The following CCDC192 variants were observed in gnomAD, a reference collection of about 807,000 sequenced individuals.
CCDC192 encodes the protein coiled-coil domain containing 192, also known as coiled-coil domain-containing protein 192.
chr5:127,723,073 C>G (rs762726598), intron 2 of CCDC192, among the ~76,000 whole-genome samples: 1 of 152,102 alleles, frequency 6.6e-6, no homozygotes, highest in Admixed American at 6.6e-5. Flanking sequence ...AATATTTATT[C>G]TTCCAGACCA....
At chr5:127,883,897 T>C (rs1212171100) in intron 6 of CCDC192, among the ~76,000 whole-genome samples, 1 of 152,138 alleles carries the variant, frequency 6.6e-6, no homozygotes, top group East Asian at 1.9e-4. Flanking sequence ...CTCAGGCTGG[T>C]AAGGAGGCTG....
chr5:127,918,765 T>G (rs896825487), intron 6 of CCDC192, among the ~76,000 whole-genome samples: 8 of 152,274 alleles, frequency 5.3e-5, no homozygotes, highest in African/African-American at 1.9e-4. Flanking sequence ...CCCTCCTGAC[T>G]CCTACTCATG....
At chr5:127,757,341 T>G in intron 3 of CCDC192, among the ~76,000 whole-genome samples, 1 of 152,222 alleles carries the variant, frequency 6.6e-6, no homozygotes, top group East Asian at 1.9e-4. Flanking sequence ...AGGGAGAGTA[T>G]GATGTGTAAA....
chr5:127,888,816 T>C (rs998761956), intron 6 of CCDC192, among the ~76,000 whole-genome samples: 1 of 152,212 alleles, frequency 6.6e-6, no homozygotes, highest in Non-Finnish European at 1.5e-5. Context: ...CCAGACCTTA[T>C]ATAATCCATC....
chr5:127,812,713 G>T (rs916651540), intron 5 of CCDC192, among the ~76,000 whole-genome samples: 9 of 152,202 alleles, frequency 5.9e-5, no homozygotes, highest in Non-Finnish European at 1.3e-4. Flanking sequence ...GGAGGAATTA[G>T]TACGGGGCGT....
chr5:127,839,164 A>G (rs1750164509), intron 5 of CCDC192, among the ~76,000 whole-genome samples: 1 of 152,236 alleles, frequency 6.6e-6, no homozygotes, highest in African/African-American at 2.4e-5. Context: ...TGCTAAGGCA[A>G]TAATAAGGCT....
At chr5:127,756,045 ATG>A (rs199740630) in intron 3 of CCDC192, among the ~76,000 whole-genome samples, 2,011 of 152,122 alleles carry the variant, frequency 0.013, 19 homozygotes, top group Non-Finnish European at 0.022. Flanking sequence ...AGGCAGGAGA[ATG>A]GCGTGAACCC....
chr5:127,744,694 G>A (rs1240689081), intron 2 of CCDC192, among the ~76,000 whole-genome samples: 1 of 152,292 alleles, frequency 6.6e-6, no homozygotes, highest in African/African-American at 2.4e-5. Context: ...GTCACTTGCT[G>A]TTACAAAAGT....
chr5:127,849,999 CT>C (rs1181895872), intron 5 of CCDC192, among the ~76,000 whole-genome samples: 2 of 152,310 alleles, frequency 1.3e-5, no homozygotes, highest in East Asian at 3.9e-4. Flanking sequence ...GGTTTATCTG[CT>C]TTTTCTGATA....
chr5:127,713,854 A>T (rs1465392154), intron 2 of CCDC192, among the ~76,000 whole-genome samples: 1 of 152,226 alleles, frequency 6.6e-6, no homozygotes, highest in Non-Finnish European at 1.5e-5. Flanking sequence ...CTTTGCTAAG[A>T]ACATTAAAAA....
chr5:127,894,383 A>T (rs1253025976), intron 6 of CCDC192, among the ~76,000 whole-genome samples: 1 of 151,712 alleles, frequency 6.6e-6, no homozygotes, highest in African/African-American at 2.4e-5. Context: ...TAATAGAGAC[A>T]GGTTTCACCA....
At chr5:127,911,914 C>G (rs1433989762) in intron 6 of CCDC192, among the ~76,000 whole-genome samples, 2 of 151,572 alleles carry the variant, frequency 1.3e-5, no homozygotes, top group African/African-American at 4.8e-5. Flanking sequence ...TCACATATCT[C>G]CCACCTCTCA....
At chr5:127,848,582 T>C (rs1050907134) in intron 5 of CCDC192, among the ~76,000 whole-genome samples, 6 of 152,196 alleles carry the variant, frequency 3.9e-5, no homozygotes, top group South Asian at 4.2e-4. Flanking sequence ...AGATGTGACT[T>C]CTCACCTAAA....
At chr5:127,876,734 G>C (rs1337478442) in intron 6 of CCDC192, among the ~76,000 whole-genome samples, 1 of 152,202 alleles carries the variant, frequency 6.6e-6, no homozygotes, top group Non-Finnish European at 1.5e-5. Context: ...GAATCAAATG[G>C]AGGAGGAGGA....
At chr5:127,802,377 T>C (rs1007294900) in intron 5 of CCDC192, among the ~76,000 whole-genome samples, 3 of 152,178 alleles carry the variant, frequency 2.0e-5, no homozygotes, top group African/African-American at 7.2e-5. Flanking sequence ...CTCCTGACCA[T>C]GGCATTTATC....
At chr5:127,806,422 C>T (rs141355617) in intron 5 of CCDC192, among the ~76,000 whole-genome samples, 403 of 152,224 alleles carry the variant, frequency 2.6e-3, no homozygotes, top group African/African-American at 8.8e-3. Flanking sequence ...CCCACCCTAC[C>T]GCCCCCAGCT....
intron 2 of CCDC192, among the ~76,000 whole-genome samples, chr5:127,718,063 A>G (rs544646021): frequency 2.4e-4 from 36 of 152,274 alleles, no homozygotes; most frequent in Non-Finnish European, 1.8e-4. Flanking sequence ...CAGAGGCCAT[A>G]AAAAAGATCT....
chr5:127,760,316 G>GT (rs1344065337), intron 3 of CCDC192, among the ~76,000 whole-genome samples: 3 of 150,656 alleles, frequency 2.0e-5, no homozygotes, highest in Non-Finnish European at 2.9e-5. Context: ...CTCTTTAAAG[G>GT]TTTTTTAAGA....
rs563750510 is a variant in CCDC192 at position 127,761,809 on chromosome 5, C to T, written c.222+7434C>T. On this transcript the variant is annotated intron_variant, in intron 3 of 6. Coordinates refer to ENST00000514853, the MANE Select transcript of CCDC192 (RefSeq NM_001317938.2). ...TAAAGCTTGGACTAGAAACAAACAA[C>T]GCCCCACCAAAAAAACTAATAAGTT... Among the ~76,000 whole-genome samples the T allele has an allele frequency of 9.2e-4, 140 of 152,140 alleles. 2 individuals are homozygous for T. The highest frequency in any genetic ancestry group is 3.3e-3 in the South Asian group (16 of 4,816).
Sources: gnomAD v4.1 joint callset for allele counts (sites outside exome capture counted in the v4.1 genomes callset) on GRCh38, gnomAD v4.1.1 for gene constraint, MANE v1.5 for transcripts, NCBI Gene and HGNC (gene_info 2026-07-23, HGNC 2026-07-21) for gene names.